HRC: variants seen among roughly 807,000 people sequenced by gnomAD.
The protein encoded by HRC is sarcoplasmic reticulum histidine-rich calcium-binding protein.
In HRC, 41 loss-of-function variants were observed where a neutral mutation model predicts 61.4. The observed-to-expected ratio is 0.67, with a 90% confidence interval of 0.52 to 0.87. HRC has a LOEUF of 0.87. Among genes scored for constraint, HRC ranks in the 40% least tolerant of loss-of-function variants. The pLI is 0.00. For synonymous variants in HRC, 308 were observed against 326.6 expected (o/e 0.94, Z 0.62); for missense variants, 839 against 885.8 (o/e 0.95, Z 0.67).
At position 49,151,544 on chromosome 19, in the gene HRC, A is replaced by G. The variant is rs764978045; in HGVS notation, c.2036T>C (p.Val679Ala). Reference protein sequence around the residue: ...CETVCAPGSYVDYFSSSLYQA... With the variant: ...CETVCAPGSYADYFSSSLYQA... ...ATAAAGGGACGAGGAGAAATAGTCA[A>G]CGTAGCTTCCTGTGGGACAGCAGAG... is the stretch of plus-strand genomic sequence containing the variant. The change falls in exon 5 of 6, where the codon GTT becomes GCT. Residue 679 changes from valine (V) to alanine (A), a missense_variant. Val to Ala is a moderately conservative substitution (Grantham distance 64, BLOSUM62 0). Coordinates refer to ENST00000252825, the MANE Select transcript of HRC (RefSeq NM_002152.3). 5 of 1,613,834 alleles carry G rather than the reference A, an allele frequency of 3.1e-6. No individual in the cohort carries two copies. Among genetic ancestry groups the G allele is most frequent in the African/African-American group, 1.3e-5 (1 of 75,040 alleles).
At chr19:49,152,746 A>T (rs1398580602) in intron 2 of HRC, among the ~76,000 whole-genome samples, 3 of 150,894 alleles carry the variant, frequency 2.0e-5, no homozygotes, top group African/African-American at 7.3e-5. Context: ...ATTTTTTTGT[A>T]TTTTTTAGTA....
intron 4 of HRC, 146 bp from the exon 5 acceptor site, chr19:49,151,699 T>C: frequency 1.2e-5 from 9 of 755,570 alleles, no homozygotes; most frequent in Admixed American, 2.6e-5. Flanking sequence ...ACCGGACCCC[T>C]TTTTCGTTCT....
rs1032410497 is a variant in HRC at position 49,153,114 on chromosome 19, C to T, written c.1902+147G>A. On this transcript the variant is annotated intron_variant, in intron 2 of 5. Coordinates refer to ENST00000252825, the MANE Select transcript of HRC (RefSeq NM_002152.3). This position sits in a 1 kb window ranked among gnomAD's most constrained non-coding sequence, Gnocchi z 4.8. ...AGCCTCCCAGCCTTCAGTCTGTCCT[C>T]ACCTCACATGCCTGCAGAAGGATCT... 1.5e-6 allele frequency: 1 copy of T among 684,314 alleles called. No homozygotes were observed. The highest frequency in any genetic ancestry group is 2.7e-5 in the East Asian group (1 of 37,022). 42.4% of individuals were successfully genotyped at this position (684,314 alleles called of 1,614,324 possible).
chr19:49,152,814 G>A (rs959967247), intron 2 of HRC, among the ~76,000 whole-genome samples: 13 of 151,168 alleles, frequency 8.6e-5, no homozygotes, highest in African/African-American at 3.2e-4. Context: ...CTCGTGTTCC[G>A]CCCACCCTGG....
Position 49,154,542 on chromosome 19 carries a change from A to G in HRC, c.696T>C (p.His232=), listed in dbSNP as rs756485376. The G allele has an allele frequency of 1.3e-6, 2 of 1,593,414 alleles. No individual in the cohort carries two copies. Among genetic ancestry groups the G allele is most frequent in the Admixed American group, 1.7e-5 (1 of 58,616 alleles). The change falls in exon 1 of 6, where the codon CAT becomes CAC. Residue 232 remains histidine, a synonymous_variant. Transcript: ENST00000252825. The stretch of plus-strand genomic sequence containing the variant: ...GGTGCCTGTGGCTGGGGCCATGATG[A>G]TGGTGTCCATCTGAGACATCCTCAT... ...EEDEDVSDGH[H]HHGPSHRHQG...
At chr19:49,152,235 A>AG (rs1425362261) in intron 3 of HRC, 75 bp downstream of exon 3, 1 of 1,416,282 alleles carries the variant, frequency 7.1e-7, no homozygotes, top group African/African-American at 1.4e-5. Flanking sequence ...GCCAGGATTT[A>AG]GGGCTGGGGG....
In HRC at chr19:49,154,796, G is replaced by A. The variant is rs200701712; in HGVS notation, c.442C>T (p.His148Tyr). Residue 148 changes from histidine (H) to tyrosine (Y), a missense_variant, in exon 1 of 6, where the codon CAC becomes TAC. Transcript: ENST00000252825. Reference sequence around the variant, plus strand: ...CTGTGGCTGGGGAGGTGGTGCCTGTGCTCAGCTGAGTCTTCCGTGTCTTCA... The same window carrying A: ...CTGTGGCTGGGGAGGTGGTGCCTGTACTCAGCTGAGTCTTCCGTGTCTTCA... ...GSEDTEDSAE[H>Y]RHHLPSHRSH... 1.8e-5 allele frequency: 29 copies of A among 1,613,800 alleles called. No individual in the cohort carries two copies. In the East Asian group the frequency reaches 5.4e-4, roughly 30 times the overall value.
Position 49,153,030 on chromosome 19 carries a change from G to C in HRC, c.1902+231C>G, listed in dbSNP as rs1360004752. Among the ~76,000 whole-genome samples, 2 of 151,868 alleles carry C rather than the reference G, an allele frequency of 1.3e-5. No individual in the cohort carries two copies. Among genetic ancestry groups the C allele is most frequent in the Admixed American group, 1.3e-4 (2 of 15,252 alleles). On this transcript the variant is annotated intron_variant, in intron 2 of 5. Transcript: ENST00000252825. This position sits in a 1 kb window ranked among gnomAD's most constrained non-coding sequence, Gnocchi z 4.8. ...CTCTTTGCCACAGACCCCTGTCTCT[G>C]TCCCCACACCCCAAGATGCAGCTTG...
intron 4 of HRC, among the ~76,000 whole-genome samples, chr19:49,151,769 C>G (rs2041361643): frequency 6.6e-6 from 1 of 152,176 alleles, no homozygotes; most frequent in African/African-American, 2.4e-5. Context: ...TGGCCTCGCC[C>G]ATTAGGCTCT....
Position 49,155,243 on chromosome 19 carries a change from CG to C in HRC, c.-7del, listed in dbSNP as rs775779867. Reference sequence around the variant, plus strand: ...CATGGCCTATGGTGGCCCATGGGGACGGACAGGCAGCACTGGCTCCAGCTGC... The same window carrying C: ...CATGGCCTATGGTGGCCCATGGGGACGACAGGCAGCACTGGCTCCAGCTGC... On this transcript the variant is annotated 5_prime_UTR_variant, in exon 1 of 6. Coordinates refer to ENST00000252825, the MANE Select transcript of HRC (RefSeq NM_002152.3). This position sits in a 1 kb window ranked among gnomAD's most constrained non-coding sequence, Gnocchi z 4.7. The C allele has an allele frequency of 5.0e-6, 8 of 1,587,154 alleles. No individual in the cohort carries two copies. In the Admixed American group the frequency reaches 1.4e-4, roughly 28 times the overall value.
rs777918787 is a variant in HRC, at chr19:49,153,274, C to A, written c.1889G>T (p.Cys630Phe). The A allele has an allele frequency of 1.2e-6, 2 of 1,612,906 alleles. No homozygotes were observed. Among genetic ancestry groups the A allele is most frequent in the Admixed American group, 3.3e-5 (2 of 59,994 alleles). ...NYQPGSLCGY[C>F]SFCNRCTECE... ...CTGGGGACATACATTGCAGAAGGAG[C>A]AGTAGCCACACAGGGACCCTGGCTG... Residue 630 changes from cysteine (C) to phenylalanine (F), a missense_variant, in exon 2 of 6, where the codon TGC becomes TTC. By Grantham distance (205) the Cys-to-Phe change is radical. Transcript: ENST00000252825. The surrounding 1 kb of genome is among the most constrained non-coding windows in gnomAD (Gnocchi z 4.8).
In HRC at chr19:49,154,761, GCTGTGGCTC is replaced by G. The variant is rs777753188; in HGVS notation, c.468_476del (p.Arg156_His158del). 6.2e-7 allele frequency: 1 copy of G among 1,613,958 alleles called. No individual in the cohort carries two copies. Among genetic ancestry groups the G allele is most frequent in the Non-Finnish European group, 8.5e-7 (1 of 1,179,986 alleles). ...CTTCATCCTCATCCTCGTCTTGATGGCTGTGGCTCCTGTGGCTGGGGAGGTGGTGCCTGT... is the reference window on the plus strand; with the variant it reads ...CTTCATCCTCATCCTCGTCTTGATGGCTGTGGCTGGGGAGGTGGTGCCTGT... On this transcript the variant is annotated inframe_deletion, in exon 1 of 6. Coordinates refer to ENST00000252825, the MANE Select transcript of HRC (RefSeq NM_002152.3).
Position 49,152,033 on chromosome 19 carries a change from G to C in HRC, c.1997C>G (p.Pro666Arg). The change falls in exon 4 of 6, where the codon CCG becomes CGG. Residue 666 changes from proline (P) to arginine (R), a missense_variant. Transcript: ENST00000252825. The part of the protein sequence containing the change: ...CQHCQFCYLC[P>R]LVCETVCAPG... ...AGCGCAGACCGTTTCGCAGACCAGCGGGCAGAGATAGCAGAACTGACAGTG... is the reference window on the plus strand; with the variant it reads ...AGCGCAGACCGTTTCGCAGACCAGCCGGCAGAGATAGCAGAACTGACAGTG... 6.2e-7 allele frequency: 1 copy of C among 1,614,166 alleles called. No homozygotes were observed. Among genetic ancestry groups the C allele is most frequent in the South Asian group, 1.1e-5 (1 of 91,072 alleles).
At position 49,154,595 on chromosome 19, in the gene HRC, T is replaced by C. The variant is rs756932609; in HGVS notation, c.643A>G (p.Arg215Gly). Residue 215 changes from arginine to glycine, a missense_variant, in exon 1 of 6, where the codon AGG becomes GGG. Physicochemically the swap from Arg to Gly is moderately radical, Grantham distance 125 (BLOSUM62 -2). Transcript: ENST00000252825. Reference protein sequence around the residue: ...ASTEYGHQAHRHRGHGSEEDE... With the variant: ...ASTEYGHQAHGHRGHGSEEDE... The stretch of plus-strand genomic sequence containing the variant: ...TCTTCACTCCCATGGCCTCGGTGCC[T>C]GTGGGCCTGGTGTCCATACTCAGTG... The C allele has an allele frequency of 1.9e-6, 3 of 1,603,470 alleles. No individual in the cohort carries two copies. Among genetic ancestry groups the C allele is most frequent in the Non-Finnish European group, 2.6e-6 (3 of 1,172,398 alleles).
At position 49,151,569 on chromosome 19, in the gene HRC, G is replaced by T. The variant is rs373764136; in HGVS notation, c.2027-16C>A. 1.2e-6 allele frequency: 2 copies of T among 1,613,088 alleles called. No homozygotes were observed. Among genetic ancestry groups the T allele is most frequent in the African/African-American group, 2.7e-5 (2 of 74,894 alleles). ...ACGTAGCTTCCTGTGGGACAGCAGA[G>T]AAAAGAGGCTTGAGGGGTACTGCAC... On this transcript the variant is annotated splice_polypyrimidine_tract_variant and intron_variant, in intron 4 of 5. Transcript: ENST00000252825.
intron 4 of HRC, 176 bp downstream of exon 4, chr19:49,151,828 A>C: frequency 2.9e-6 from 2 of 678,992 alleles, no homozygotes; most frequent in Admixed American, 2.6e-5. Flanking sequence ...GGCTCCAGCA[A>C]CTCCACCTGG....
At position 49,151,335 on chromosome 19, in the gene HRC, G is replaced by A; in HGVS notation, c.2064-3C>T. 1 of 1,557,314 alleles carries A rather than the reference G, an allele frequency of 6.4e-7. No individual in the cohort carries two copies. The highest frequency in any genetic ancestry group is 8.7e-7 in the Non-Finnish European group (1 of 1,148,668). ...TTTCCAGCATGTCTGCCAGGGCCCT[G>A]GAGACGAGAACGCCAGAAGTTAGAC... On this transcript the variant is annotated splice_region_variant and splice_polypyrimidine_tract_variant and intron_variant, in intron 5 of 5. Coordinates refer to ENST00000252825, the MANE Select transcript of HRC (RefSeq NM_002152.3).
chr19:49,153,550 C>T lies in HRC; in HGVS notation c.1688G>A (p.Ser563Asn), dbSNP rs144089143. Reference protein sequence around the residue: ...EERAEVGAPLSPDHSEEEEEE... With the variant: ...EERAEVGAPLNPDHSEEEEEE... Reference sequence around the variant, plus strand: ...CTCTTCCTCCTCGCTGTGGTCTGGGCTCAGTGGGGCCCCAACCTCAGCCCT... The same window carrying T: ...CTCTTCCTCCTCGCTGTGGTCTGGGTTCAGTGGGGCCCCAACCTCAGCCCT... Residue 563 changes from serine to asparagine, a missense_variant, in exon 1 of 6, where the codon AGC (serine) becomes AAC (asparagine). Transcript: ENST00000252825. This position sits in a 1 kb window ranked among gnomAD's most constrained non-coding sequence, Gnocchi z 4.8. The T allele has an allele frequency of 6.3e-4, 997 of 1,574,354 alleles. No individual in the cohort carries two copies. Among genetic ancestry groups the T allele is most frequent in the Non-Finnish European group, 8.3e-4 (962 of 1,159,106 alleles).
In HRC at chr19:49,155,341, C is replaced by G. The variant is rs1174651656; in HGVS notation, c.-104G>C. ...TTGGTCTCTTTTTTTCTCTGTGTCT[C>G]TCCTTTGTCCTTTCGGTCTCTGTCC... On this transcript the variant is annotated 5_prime_UTR_variant, in exon 1 of 6. Transcript: ENST00000252825. This position sits in a 1 kb window ranked among gnomAD's most constrained non-coding sequence, Gnocchi z 4.7. 4.3e-6 allele frequency: 6 copies of G among 1,409,248 alleles called. No individual in the cohort carries two copies. The highest frequency in any genetic ancestry group is 2.5e-5 in the East Asian group (1 of 40,278). 87.3% of individuals were successfully genotyped at this position (1,409,248 alleles called of 1,614,324 possible).
Sources: gnomAD v4.1 joint callset for allele counts (sites outside exome capture counted in the v4.1 genomes callset) on GRCh38, gnomAD v4.1.1 for gene constraint, Gnocchi (gnomAD v3.1) non-coding constraint, MANE v1.5 for transcripts, NCBI Gene and HGNC (gene_info 2026-07-23, HGNC 2026-07-21) for gene names.